Variants in PLEKHA7 observed in about 807,000 individuals in gnomAD.
PLEKHA7 encodes the protein pleckstrin homology domain-containing family A member 7.
A neutral mutation model predicts 170.0 loss-of-function variants in PLEKHA7; 104 were observed. The observed-to-expected ratio is 0.61, with a 90% CI of 0.52 to 0.72. The LOEUF is 0.72. Ranked by LOEUF, PLEKHA7 falls within the 30% of genes least tolerant of loss-of-function variation. The pLI, the probability that PLEKHA7 is intolerant of heterozygous loss-of-function variation, is 0.00. For missense variants in PLEKHA7, 1,615 were observed against 1,671.7 expected, an observed-to-expected ratio of 0.97 and a Z score of 0.59; for synonymous variants, 648 against 660.8, an observed-to-expected ratio of 0.98 and a Z score of 0.30.
intron 3 of PLEKHA7, among the ~76,000 whole-genome samples, chr11:16,957,465 A>G (rs953366705): frequency 5.3e-5 from 8 of 152,198 alleles, no homozygotes; most frequent in Non-Finnish European, 1.2e-4. Context: ...AAATATCCAG[A>G]GCAGATAAGT....
intron 9 of PLEKHA7, among the ~76,000 whole-genome samples, chr11:16,840,941 T>C (rs138254249): frequency 8.5e-5 from 13 of 152,080 alleles, no homozygotes; most frequent in African/African-American, 1.4e-4. Flanking sequence ...TGAGGCCTCA[T>C]TGAAAGAACA....
chr11:16,972,507 C>T (rs1037290581), intron 3 of PLEKHA7, among the ~76,000 whole-genome samples: 5 of 152,166 alleles, frequency 3.3e-5, no homozygotes, highest in Non-Finnish European at 5.9e-5. Context: ...CATCTCCAGG[C>T]TCAAGTGATC....
chr11:16,795,136 AC>A, intron 17 of PLEKHA7, 118 bp from the exon 18 acceptor site: 1 of 731,394 alleles, frequency 1.4e-6, no homozygotes, highest in Non-Finnish European at 2.4e-6. Context: ...CCCTCTGGAA[AC>A]CCCACTAGTG....
At chr11:16,855,597 T>C (rs933000912) in intron 5 of PLEKHA7, 22 of 581,046 alleles carry the variant, frequency 3.8e-5, no homozygotes, top group African/African-American at 3.4e-4. Flanking sequence ...TAGACACCAG[T>C]GCTGGGTCTG....
intron 3 of PLEKHA7, among the ~76,000 whole-genome samples, chr11:16,995,758 T>C (rs1864302770): frequency 6.6e-6 from 1 of 152,188 alleles, no homozygotes; most frequent in African/African-American, 2.4e-5. Flanking sequence ...AAGCAAGGCA[T>C]GTCTCGAATC....
chr11:16,861,497 A>G (rs896221900), intron 4 of PLEKHA7, among the ~76,000 whole-genome samples: 1 of 152,024 alleles, frequency 6.6e-6, no homozygotes, highest in African/African-American at 2.4e-5. Flanking sequence ...AAAAATACAA[A>G]AATTAGCCGA....
At chr11:16,836,611 G>A (rs149442006) in intron 9 of PLEKHA7, among the ~76,000 whole-genome samples, 160 of 152,332 alleles carry the variant, frequency 1.1e-3, no homozygotes, top group African/African-American at 3.0e-3. Flanking sequence ...TCTGCCTGAC[G>A]AATAATTTTA....
In PLEKHA7 at chr11:16,779,002, G is replaced by C. The variant is rs932917049; in HGVS notation, c.3812C>G (p.Pro1271Arg). The C allele has an allele frequency of 1.4e-6, 1 of 702,510 alleles. No individual in the cohort carries two copies. Among genetic ancestry groups the C allele is most frequent in the Non-Finnish European group, 2.6e-6 (1 of 385,010 alleles). 43.5% of individuals were successfully genotyped at this position (702,510 alleles called of 1,614,324 possible). A position where few individuals can be genotyped will look rare whatever the true frequency, so the allele number is the denominator to read the frequency against. The change falls in exon 27 of 27, where the codon CCG becomes CGG. Residue 1271 changes from proline (P) to arginine (R), a missense_variant. Pro to Arg is a moderately radical substitution (Grantham distance 103). Coordinates refer to ENST00000531066, the MANE Select transcript of PLEKHA7 (RefSeq NM_001329630.2). Reference sequence around the variant, plus strand: ...CAGGCTTCTTTGCATGCTGGGTCACGGGTCAGTCACTGCCTGGGCTGGCAA... The same window carrying C: ...CAGGCTTCTTTGCATGCTGGGTCACCGGTCAGTCACTGCCTGGGCTGGCAA... Reference protein sequence around the residue: ...KQVAAQAVTDP With the variant: ...KQVAAQAVTDR
At chr11:16,997,384 G>C (rs553506560) in intron 3 of PLEKHA7, among the ~76,000 whole-genome samples, 3 of 152,318 alleles carry the variant, frequency 2.0e-5, no homozygotes, top group African/African-American at 7.2e-5. Flanking sequence ...CCACTGTGAA[G>C]AAGAGCCCAT....
intron 4 of PLEKHA7, among the ~76,000 whole-genome samples, chr11:16,870,809 G>T (rs559687543): frequency 6.6e-6 from 1 of 152,248 alleles, no homozygotes; most frequent in South Asian, 2.1e-4. Context: ...TGTGCCAGAA[G>T]ATATAGCAGG....
chr11:16,799,312 C>A (rs1001075459), intron 17 of PLEKHA7, among the ~76,000 whole-genome samples: 3 of 152,132 alleles, frequency 2.0e-5, no homozygotes, highest in African/African-American at 7.2e-5. Context: ...TCATATGATT[C>A]TATGCATGTG....
chr11:16,784,425 GT>G (rs1289552961), intron 24 of PLEKHA7, among the ~76,000 whole-genome samples: 4 of 152,200 alleles, frequency 2.6e-5, no homozygotes, highest in East Asian at 1.9e-4. Flanking sequence ...TGATTGACAG[GT>G]GGGTGAATGA....
intron 26 of PLEKHA7, 23 bp from the exon 27 acceptor site, chr11:16,779,043 G>A (rs1042511407): frequency 1.7e-5 from 12 of 702,456 alleles, no homozygotes; most frequent in Admixed American, 4.0e-5. Flanking sequence ...ACAGGAGACA[G>A]TGAGAGGCTG....
chr11:16,788,815 T>C (rs1849581205), intron 23 of PLEKHA7: 2 of 527,818 alleles, frequency 3.8e-6, no homozygotes, highest in Non-Finnish European at 6.8e-6. Flanking sequence ...TCCGAACGCC[T>C]GCAAAGGCCC....
intron 3 of PLEKHA7, among the ~76,000 whole-genome samples, chr11:16,948,611 CATGCACACACAT>C (rs1861199968): frequency 6.8e-6 from 1 of 147,616 alleles, no homozygotes; most frequent in Non-Finnish European, 1.5e-5. Context: ...TCGCACCCCA[CATGCACACACAT>C]GTGCACACAC....
chr11:16,812,797 T>C (rs1480185686), intron 13 of PLEKHA7, among the ~76,000 whole-genome samples: 1 of 152,152 alleles, frequency 6.6e-6, no homozygotes. Context: ...CTGCCCCCAC[T>C]GGAGACTCCG....
intron 3 of PLEKHA7, among the ~76,000 whole-genome samples, chr11:16,884,226 G>A (rs575445810): frequency 6.6e-6 from 1 of 152,212 alleles, no homozygotes; most frequent in South Asian, 2.1e-4. Flanking sequence ...ATATGCATCA[G>A]AGACTTCAAA....
At chr11:16,985,763 A>G (rs1863688996) in intron 3 of PLEKHA7, among the ~76,000 whole-genome samples, 1 of 152,268 alleles carries the variant, frequency 6.6e-6, no homozygotes, top group Admixed American at 6.5e-5. Context: ...GAGAGACATT[A>G]CACAGACTAA....
At chr11:16,803,784 C>T (rs902267823) in intron 13 of PLEKHA7, among the ~76,000 whole-genome samples, 33 of 152,144 alleles carry the variant, frequency 2.2e-4, no homozygotes, top group Non-Finnish European at 4.1e-4. Flanking sequence ...AGTCTCTGAG[C>T]AGCCCACTTC....
Sources: gnomAD v4.1 joint callset for allele counts (sites outside exome capture counted in the v4.1 genomes callset) on GRCh38, gnomAD v4.1.1 for gene constraint, MANE v1.5 for transcripts, NCBI Gene and HGNC (gene_info 2026-07-23, HGNC 2026-07-21) for gene names.